CD33: variants seen among roughly 807,000 people sequenced by gnomAD.
The protein encoded by CD33 is CD33 molecule, also known as myeloid cell surface antigen CD33.
In CD33, 25 loss-of-function variants were observed where a neutral mutation model predicts 31.4. The observed-to-expected ratio is 0.80, with a 90% CI of 0.58 to 1.11. The LOEUF is 1.11. CD33 is among the 50% of genes most tolerant of loss of function. The pLI, the probability that CD33 is intolerant of heterozygous loss-of-function variation, is 0.00. For missense variants in CD33, 407 were observed against 448.1 expected (o/e 0.91, Z 0.83); for synonymous variants, 176 against 180.6 (o/e 0.97, Z 0.20).
intron 6 of CD33, chr19:51,238,919 TA>T (rs1981982120): frequency 6.6e-6 from 1 of 152,494 alleles, no homozygotes; most frequent in East Asian, 1.9e-4. Flanking sequence ...CCACTTGAAC[TA>T]ACTGCATTCC....
upstream of CD33, among the ~76,000 whole-genome samples, chr19:51,220,182 A>G (rs1980619586): frequency 6.6e-6 from 1 of 152,154 alleles, no homozygotes; most frequent in African/African-American, 2.4e-5. Context: ...GTTCAATCTC[A>G]CTACTTGTTA....
upstream of CD33, among the ~76,000 whole-genome samples, chr19:51,222,045 C>T (rs975608956): frequency 1.3e-5 from 2 of 152,064 alleles, no homozygotes; most frequent in African/African-American, 4.8e-5. Context: ...GAGGAAGGAA[C>T]GTTTGGTTAA....
At chr19:51,231,600 G>A (rs1487751959) in intron 4 of CD33, among the ~76,000 whole-genome samples, 8 of 115,562 alleles carry the variant, frequency 6.9e-5, no homozygotes, top group Admixed American at 1.9e-4. Flanking sequence ...GTGGTTGGCT[G>A]ATGTTTTTTT....
chr19:51,225,147 T>TA lies in CD33; in HGVS notation c.29_30insA (p.Trp11ValfsTer88). ...CCGCTGCTGCTACTGCTGCCCCTGCTGTGGGCAGGTGAGTGGCTGTGGGGA... is the reference window on the plus strand; with the variant it reads ...CCGCTGCTGCTACTGCTGCCCCTGCTAGTGGGCAGGTGAGTGGCTGTGGGGA... On this transcript the variant is annotated frameshift_variant, in exon 1 of 7. Coordinates refer to ENST00000262262, the MANE Select transcript of CD33 (RefSeq NM_001772.4). LOFTEE classifies it high-confidence loss of function. 6.2e-7 allele frequency: 1 copy of TA among 1,614,064 alleles called. No homozygotes were observed. The highest frequency in any genetic ancestry group is 1.7e-4 in the Middle Eastern group (1 of 6,022).
the CD33 span, among the ~76,000 whole-genome samples, chr19:51,215,872 C>G: frequency 6.6e-6 from 1 of 152,294 alleles, no homozygotes; most frequent in South Asian, 2.1e-4. Context: ...ACTGAACCAT[C>G]CTCACCTTTT....
the CD33 span, chr19:51,211,793 C>T: frequency 1.2e-6 from 1 of 848,768 alleles, no homozygotes; most frequent in Non-Finnish European, 2.0e-6. Flanking sequence ...CCTCACCAGC[C>T]CTGACCCACA....
At chr19:51,218,192 A>G in the CD33 span, among the ~76,000 whole-genome samples, 4 of 152,158 alleles carry the variant, frequency 2.6e-5, no homozygotes, top group Non-Finnish European at 5.9e-5. Context: ...AACATCTGTT[A>G]TTTCTTGACT....
chr19:51,225,461 G>A lies in CD33; in HGVS notation c.281G>A (p.Gly94Glu), dbSNP rs1420963956. The A allele has an allele frequency of 1.2e-6, 2 of 1,613,892 alleles. No homozygotes were observed. The highest frequency in any genetic ancestry group is 2.7e-5 in the African/African-American group (2 of 74,918). Residue 94 changes from glycine to glutamate, a missense_variant, in exon 2 of 7, where the codon GGG (glycine) becomes GAG (glutamate). Coordinates refer to ENST00000262262, the MANE Select transcript of CD33 (RefSeq NM_001772.4). ...EETQGRFRLLGDPSRNNCSLS... is the reference protein window; with the variant it reads ...EETQGRFRLLEDPSRNNCSLS... ...ACTCAGGGCAGATTCCGCCTCCTTGGGGATCCCAGTAGGAACAACTGCTCC... is the reference window on the plus strand; with the variant it reads ...ACTCAGGGCAGATTCCGCCTCCTTGAGGATCCCAGTAGGAACAACTGCTCC...
chr19:51,218,649 T>C, the CD33 span, among the ~76,000 whole-genome samples: 2 of 152,218 alleles, frequency 1.3e-5, no homozygotes, highest in Non-Finnish European at 2.9e-5. Flanking sequence ...AGTATTTCTA[T>C]AGTTTCAGGT....
chr19:51,236,912 C>T (rs1981843620), intron 6 of CD33: 1 of 152,282 alleles, frequency 6.6e-6, no homozygotes, highest in African/African-American at 2.4e-5. Context: ...GTCATTGTCC[C>T]ATCATTCCCA....
At chr19:51,213,850 C>CTT in the CD33 span, among the ~76,000 whole-genome samples, 424 of 126,000 alleles carry the variant, frequency 3.4e-3, 4 homozygotes, top group African/African-American at 0.012. Flanking sequence ...TTTTCTTTTT[C>CTT]TTTTTTTTTT....
Position 51,239,528 on chromosome 19 carries a change from A to G in CD33, c.935A>G (p.Lys312Arg). Residue 312 changes from lysine to arginine, a missense_variant, in exon 7 of 7, where the codon AAG becomes AGG. Transcript: ENST00000262262. Reference protein sequence around the residue: ...TTGSASPKHQKKSKLHGPTET... With the variant: ...TTGSASPKHQRKSKLHGPTET... ...TTTCCTCTCCATAAGAAACACCAGAAGAAGTCCAAGTTACATGGCCCCACT... is the reference window on the plus strand; with the variant it reads ...TTTCCTCTCCATAAGAAACACCAGAGGAAGTCCAAGTTACATGGCCCCACT... 6.2e-7 allele frequency: 1 copy of G among 1,604,666 alleles called. No homozygotes were observed. The highest frequency in any genetic ancestry group is 8.5e-7 in the Non-Finnish European group (1 of 1,175,472).
At chr19:51,224,466 A>C (rs147963627), upstream of CD33, among the ~76,000 whole-genome samples, 134 of 152,270 alleles carry the variant, frequency 8.8e-4, no homozygotes, top group Admixed American at 2.0e-3. Context: ...GGTTGCTTGT[A>C]GTTAGCAGAG....
rs765281112 is a variant in CD33 at position 51,235,605 on chromosome 19, C to T, written c.853C>T (p.His285Tyr). 2.5e-6 allele frequency: 4 copies of T among 1,613,690 alleles called. No individual in the cohort carries two copies. Among genetic ancestry groups the T allele is most frequent in the Non-Finnish European group, 3.4e-6 (4 of 1,179,818 alleles). Residue 285 changes from histidine to tyrosine, a missense_variant, in exon 6 of 7, where the codon CAC (histidine) becomes TAC (tyrosine). Coordinates refer to ENST00000262262, the MANE Select transcript of CD33 (RefSeq NM_001772.4). ...LCLIFFIVKT[H>Y]RRKAARTAVG... ...GGTGTCTCCCATCAGAGTGAAGACCCACAGGAGGAAAGCAGCCAGGACAGC... is the reference window on the plus strand; with the variant it reads ...GGTGTCTCCCATCAGAGTGAAGACCTACAGGAGGAAAGCAGCCAGGACAGC...
At chr19:51,222,396 T>C (rs997498834), upstream of CD33, among the ~76,000 whole-genome samples, 2 of 152,238 alleles carry the variant, frequency 1.3e-5, no homozygotes, top group South Asian at 4.1e-4. Flanking sequence ...TCTTCCTGTG[T>C]ATACCAATTA....
At position 51,225,877 on chromosome 19, in the gene CD33, G is replaced by T. The variant is rs895532285; in HGVS notation, c.493G>T (p.Val165Leu). 2 of 1,613,882 alleles carry T rather than the reference G, an allele frequency of 1.2e-6. No homozygotes were observed. The highest frequency in any genetic ancestry group is 2.7e-5 in the African/African-American group (2 of 74,856). Residue 165 changes from valine to leucine, a missense_variant, in exon 3 of 7, where the codon GTG becomes TTG. By Grantham distance (32) the Val-to-Leu change is conservative (BLOSUM62 1). Coordinates refer to ENST00000262262, the MANE Select transcript of CD33 (RefSeq NM_001772.4). ...CCACTCCAAAAACCTGACCTGCTCT[G>T]TGTCCTGGGCCTGTGAGCAGGGAAC... is the stretch of plus-strand genomic sequence containing the variant. The part of the protein sequence containing the change: ...PGHSKNLTCS[V>L]SWACEQGTPP...
intron 5 of CD33, 56 bp downstream of exon 5, chr19:51,235,309 G>A (rs1981704010): frequency 6.6e-7 from 1 of 1,509,904 alleles, no homozygotes; most frequent in African/African-American, 1.4e-5. Flanking sequence ...TGGACCTGGT[G>A]TAGAAGGGTC....
chr19:51,234,771 G>A (rs1221962323), intron 4 of CD33, among the ~76,000 whole-genome samples: 1 of 152,120 alleles, frequency 6.6e-6, no homozygotes, highest in East Asian at 1.9e-4. Flanking sequence ...CCTAAGTGAT[G>A]GGGCCAGTGG....
At chr19:51,217,059 G>T in the CD33 span, among the ~76,000 whole-genome samples, 4 of 152,226 alleles carry the variant, frequency 2.6e-5, no homozygotes, top group Non-Finnish European at 5.9e-5. Flanking sequence ...CTGGTGCCCT[G>T]CAGGCCACAC....
Sources: allele counts gnomAD v4.1 joint callset (sites outside exome capture counted in the v4.1 genomes callset), GRCh38; gene constraint gnomAD v4.1.1; transcripts MANE v1.5; gene names NCBI Gene and HGNC (gene_info 2026-07-23, HGNC 2026-07-21).